PHKA2: variants seen among roughly 807,000 people sequenced by gnomAD.
The protein encoded by PHKA2 is phosphorylase kinase regulatory subunit alpha 2.
Under a neutral mutation model 102.0 loss-of-function variants are expected in PHKA2, and 31 were observed. The observed-to-expected ratio is 0.30, with a 90% CI of 0.23 to 0.41. The LOEUF is 0.41. PHKA2 is among the 10% of genes least tolerant of loss of function. The pLI is 1.00. For synonymous variants in PHKA2, 455 were observed against 416.2 expected, an observed-to-expected ratio of 1.09 and a Z score of -1.13; for missense variants, 858 against 1,023.1, an observed-to-expected ratio of 0.84 and a Z score of 2.20.
At chrX:18,925,375 G>A (rs1389913612) in intron 15 of PHKA2, among the ~76,000 whole-genome samples, 1 of 112,241 alleles carries the variant, frequency 8.9e-6, no homozygotes, top group Non-Finnish European at 1.9e-5. Context: ...AAGGGTCAGA[G>A]ATGATTGTGA....
At chrX:18,922,259 A>C (rs921025020) in intron 17 of PHKA2, among the ~76,000 whole-genome samples, 1 of 112,139 alleles carries the variant, frequency 8.9e-6, no homozygotes, top group African/African-American at 3.2e-5. Flanking sequence ...AAAAAAAAAA[A>C]ATTATTTTGC....
intron 20 of PHKA2, among the ~76,000 whole-genome samples, chrX:18,909,645 G>T (rs1476648145): frequency 8.9e-6 from 1 of 112,250 alleles, no homozygotes; most frequent in Non-Finnish European, 1.9e-5. Context: ...GATTTTCCTT[G>T]TCCTGTCCTA....
At chrX:18,948,652 G>T in intron 5 of PHKA2, 92 bp downstream of exon 5, 1 of 592,077 alleles carries the variant, frequency 1.7e-6, no homozygotes, top group Non-Finnish European at 2.9e-6. Context: ...CTTTTGGTGA[G>T]CCCCAAACAG....
At chrX:18,938,565 T>A in intron 10 of PHKA2, 62 bp downstream of exon 10, 2 of 1,079,328 alleles carry the variant, frequency 1.9e-6, no homozygotes, top group Non-Finnish European at 2.6e-6. Context: ...TATGTTCTAA[T>A]AATAATCAGT....
chrX:18,956,705 A>G (rs191228620), intron 1 of PHKA2, among the ~76,000 whole-genome samples: 192 of 112,370 alleles, frequency 1.7e-3, no homozygotes, highest in African/African-American at 6.1e-3. Context: ...ATACACATAC[A>G]TGCCGTGTAA....
intron 1 of PHKA2, among the ~76,000 whole-genome samples, chrX:18,959,899 A>G (rs2048843497): frequency 9.0e-6 from 1 of 111,454 alleles, no homozygotes; most frequent in Non-Finnish European, 1.9e-5. Flanking sequence ...GAACCTGCCA[A>G]TGATATCCTT....
At chrX:18,963,715 A>G (rs2048900506) in intron 1 of PHKA2, among the ~76,000 whole-genome samples, 1 of 112,200 alleles carries the variant, frequency 8.9e-6, no homozygotes, top group African/African-American at 3.2e-5. Context: ...AAGACATGGA[A>G]GAGTGAGGCA....
intron 1 of PHKA2, among the ~76,000 whole-genome samples, chrX:18,957,738 TTATATATATATA>T (rs748964864): frequency 1.1e-5 from 1 of 95,182 alleles, no homozygotes; most frequent in African/African-American, 4.4e-5. Context: ...TAAAACCAGA[TTATATATATATA>T]TATATATATA....
At chrX:18,904,024 C>T (rs979552477) in intron 26 of PHKA2, among the ~76,000 whole-genome samples, 1 of 112,108 alleles carries the variant, frequency 8.9e-6, no homozygotes, top group East Asian at 2.8e-4. Context: ...GTCACCTCCT[C>T]GGGCAGCATC....
At position 18,960,110 on chromosome X, in the gene PHKA2, G is replaced by A. The variant is rs545658542; in HGVS notation, c.79-5698C>T. On this transcript the variant is annotated intron_variant, in intron 1 of 32. Coordinates refer to ENST00000379942, the MANE Select transcript of PHKA2 (RefSeq NM_000292.3). ...CCTGTTGATGAAAAATAAAGGGCAGGCCCCTACGACCTAGAATGGATTGGG... is the reference window on the plus strand; with the variant it reads ...CCTGTTGATGAAAAATAAAGGGCAGACCCCTACGACCTAGAATGGATTGGG... 2.1e-4 allele frequency among the ~76,000 whole-genome samples: 24 copies of A among 111,718 alleles called. No homozygotes were observed. In the South Asian group the frequency reaches 8.7e-3, roughly 41 times the overall value.
intron 29 of PHKA2, among the ~76,000 whole-genome samples, chrX:18,898,538 A>G (rs1393963121): frequency 8.8e-6 from 1 of 113,276 alleles, no homozygotes; most frequent in African/African-American, 3.2e-5. Flanking sequence ...GAAATCCTGA[A>G]GTGTGCTAGC....
rs186530084 is a variant in PHKA2, at chrX:18,928,037, T to C, written c.1324+1191A>G. 7.4e-4 allele frequency among the ~76,000 whole-genome samples: 83 copies of C among 112,113 alleles called. 1 individual carries two copies. Among genetic ancestry groups the C allele is most frequent in the South Asian group, 3.7e-4 (1 of 2,707 alleles). On this transcript the variant is annotated intron_variant, in intron 13 of 32. Coordinates refer to ENST00000379942, the MANE Select transcript of PHKA2 (RefSeq NM_000292.3). ...TTAAACAAATGCTGGTCAACACCCA[T>C]CAAAGTGTCCCAGCCTGCAGGTGGA...
At chrX:18,916,025 T>C (rs188608574) in intron 19 of PHKA2, among the ~76,000 whole-genome samples, 1 of 111,580 alleles carries the variant, frequency 9.0e-6, no homozygotes, top group Admixed American at 9.5e-5. Context: ...CACACCCAGA[T>C]AGAGATTAAG....
intron 27 of PHKA2, among the ~76,000 whole-genome samples, chrX:18,900,952 C>T (rs903338212): frequency 3.6e-5 from 4 of 110,449 alleles, no homozygotes; most frequent in African/African-American, 1.3e-4. Context: ...GCACAGCACC[C>T]AGCACGTTAA....
At chrX:18,938,850 C>T (rs911131877) in intron 9 of PHKA2, 101 bp from the exon 10 acceptor site, 172 of 795,435 alleles carry the variant, frequency 2.2e-4, no homozygotes, top group Non-Finnish European at 2.2e-4. Context: ...ATTTTTACAG[C>T]TTTGAAGTTG....
At position 18,924,542 on chromosome X, in the gene PHKA2, G is replaced by A. The variant is rs2147912434; in HGVS notation, c.1570-17C>T. ...GTCGGTGAACTGAAAGTCAGAGGAGGCTGGGTAAACGGCCACCCTTTCTTT... is the reference window on the plus strand; with the variant it reads ...GTCGGTGAACTGAAAGTCAGAGGAGACTGGGTAAACGGCCACCCTTTCTTT... On this transcript the variant is annotated splice_polypyrimidine_tract_variant and intron_variant, in intron 15 of 32. Transcript: ENST00000379942. The A allele has an allele frequency of 8.3e-7, 1 of 1,208,405 alleles. No individual in the cohort carries two copies. Among genetic ancestry groups the A allele is most frequent in the Non-Finnish European group, 1.1e-6 (1 of 892,748 alleles).
At chrX:18,917,509 T>G (rs1289560387) in intron 19 of PHKA2, among the ~76,000 whole-genome samples, 5 of 110,784 alleles carry the variant, frequency 4.5e-5, no homozygotes, top group African/African-American at 1.6e-4. Flanking sequence ...TCCGCCTGCC[T>G]CAGCTTCCAA....
At chrX:18,917,735 G>C (rs1306665074) in intron 19 of PHKA2, among the ~76,000 whole-genome samples, 1 of 110,620 alleles carries the variant, frequency 9.0e-6, no homozygotes, top group African/African-American at 3.3e-5. Flanking sequence ...AGAAAGAAGA[G>C]TTGGGATACA....
chrX:18,965,975 C>T (rs899333876), intron 1 of PHKA2, among the ~76,000 whole-genome samples: 1 of 109,646 alleles, frequency 9.1e-6, no homozygotes, highest in Non-Finnish European at 1.9e-5. Context: ...GGTGTATCTC[C>T]ACTTATCTGG....
Sources: allele counts gnomAD v4.1 joint callset (sites outside exome capture counted in the v4.1 genomes callset), GRCh38; gene constraint gnomAD v4.1.1; transcripts MANE v1.5; gene names NCBI Gene and HGNC (gene_info 2026-07-23, HGNC 2026-07-21).